Variants in CLIP1 observed in about 807,000 individuals in gnomAD.
CLIP1 encodes the protein CAP-Gly domain containing linker protein 1.
A neutral mutation model predicts 161.6 loss-of-function variants in CLIP1; 66 were observed. The observed-to-expected ratio is 0.41, with a 90% CI of 0.33 to 0.50. The LOEUF (loss-of-function observed/expected upper bound fraction) is 0.50. CLIP1 is among the 20% of genes least tolerant of loss of function. The pLI is 0.27. For synonymous variants in CLIP1, 598 were observed against 626.2 expected (o/e 0.96, Z 0.67); for missense variants, 1,376 against 1,702.0 (o/e 0.81, Z 3.37).
At chr12:122,390,294 A>ACG (rs1955588108) in intron 1 of CLIP1, among the ~76,000 whole-genome samples, 1 of 133,382 alleles carries the variant, frequency 7.5e-6, no homozygotes, top group African/African-American at 2.8e-5. Context: ...ATATATATAT[A>ACG]TATATATATG....
rs537988668 is a variant in CLIP1 at position 122,291,301 on chromosome 12, T to A, written c.3595-2760A>T. On this transcript the variant is annotated intron_variant, in intron 20 of 25. Coordinates refer to ENST00000620786, the MANE Select transcript of CLIP1 (RefSeq NM_001247997.2). Reference sequence around the variant, plus strand: ...GCCTCCCAGGTTCAAGCGATTCTCCTGTCTCAGCCTCCCAAAGAGTGGGGA... The same window carrying A: ...GCCTCCCAGGTTCAAGCGATTCTCCAGTCTCAGCCTCCCAAAGAGTGGGGA... Among the ~76,000 whole-genome samples, 9 of 152,208 alleles carry A rather than the reference T, an allele frequency of 5.9e-5. No homozygotes were observed. The East Asian group carries it at 1.4e-3, about 23-fold the overall frequency.
At chr12:122,371,085 G>C (rs528471355) in intron 3 of CLIP1, among the ~76,000 whole-genome samples, 1 of 152,156 alleles carries the variant, frequency 6.6e-6, no homozygotes, top group South Asian at 2.1e-4. Context: ...AGCAAAGTTT[G>C]CTTTTTAAAT....
intron 18 of CLIP1, 122 bp from the exon 19 acceptor site, chr12:122,316,977 A>G: frequency 1.6e-6 from 1 of 638,726 alleles, no homozygotes; most frequent in Non-Finnish European, 2.6e-6. Flanking sequence ...CGCAAAAAAA[A>G]AAAGTCTCCT....
At chr12:122,277,931 C>A in intron 24 of CLIP1, 1 of 504,830 alleles carries the variant, frequency 2.0e-6, no homozygotes, top group South Asian at 2.8e-5. Flanking sequence ...CAGTAATTAA[C>A]TGTTTGCAGG....
rs148733032 is a variant in CLIP1, at chr12:122,363,284, G to C, written c.782+699C>G. Among the ~76,000 whole-genome samples the C allele has an allele frequency of 8.4e-4, 128 of 152,266 alleles. No homozygotes were observed. The East Asian group carries it at 0.014, about 17-fold the overall frequency. On this transcript the variant is annotated intron_variant, in intron 4 of 25. Coordinates refer to ENST00000620786, the MANE Select transcript of CLIP1 (RefSeq NM_001247997.2). Reference sequence around the variant, plus strand: ...GGAGACCAAGACAGGTGGATCACTTGTGCCCAGGAGTTTGAGACCAGCCTG... The same window carrying C: ...GGAGACCAAGACAGGTGGATCACTTCTGCCCAGGAGTTTGAGACCAGCCTG...
intron 1 of CLIP1, among the ~76,000 whole-genome samples, chr12:122,405,980 T>G (rs1347394642): frequency 5.3e-5 from 8 of 151,946 alleles, no homozygotes; most frequent in Admixed American, 3.3e-4. Context: ...GGCAGGAGAA[T>G]CGCTTGAATC....
At chr12:122,398,849 T>G (rs1188321723) in intron 1 of CLIP1, among the ~76,000 whole-genome samples, 1 of 151,258 alleles carries the variant, frequency 6.6e-6, no homozygotes, top group African/African-American at 2.4e-5. Flanking sequence ...ATCTCTAAAA[T>G]CTTTTTTTAA....
intron 5 of CLIP1, among the ~76,000 whole-genome samples, chr12:122,358,985 C>T (rs1287682769): frequency 1.3e-5 from 2 of 152,082 alleles, no homozygotes; most frequent in Non-Finnish European, 2.9e-5. Flanking sequence ...CGCTTGAACC[C>T]GGGAGACAAG....
Position 122,274,160 on chromosome 12 carries a change from A to T in CLIP1, c.3969T>A (p.Ile1323=). ...DEDERAQESQ[I]DFLNSVIVDL... is the part of the protein sequence containing the mutation. The stretch of plus-strand genomic sequence containing the variant: ...CCACTATTACTGAATTTAGGAAATC[A>T]ATCTGATTTGTTAAAAAAAAAATGT... Residue 1323 remains isoleucine (I), a splice_region_variant and synonymous_variant, in exon 25 of 26, where the codon ATT becomes ATA. Transcript: ENST00000620786. 1 of 1,594,552 alleles carries T rather than the reference A, an allele frequency of 6.3e-7. No individual in the cohort carries two copies. The highest frequency in any genetic ancestry group is 8.6e-7 in the Non-Finnish European group (1 of 1,162,414).
Position 122,355,066 on chromosome 12 carries a change from A to G in CLIP1, c.1203+49T>C, listed in dbSNP as rs1459059808. On this transcript the variant is annotated intron_variant, in intron 6 of 25. Transcript: ENST00000620786. The surrounding 1 kb of genome is among the most constrained non-coding windows in gnomAD (Gnocchi z 4.1). ...CACCGGGCATGCTTCTCGGCTCCTC[A>G]GTGGCTTTAGAAACCATCACCATCT... is the stretch of plus-strand genomic sequence containing the variant. 5.8e-6 allele frequency: 9 copies of G among 1,562,848 alleles called. No individual in the cohort carries two copies. Among genetic ancestry groups the G allele is most frequent in the Non-Finnish European group, 7.9e-6 (9 of 1,138,352 alleles).
chr12:122,292,294 C>T (rs1047985039), intron 20 of CLIP1, among the ~76,000 whole-genome samples: 5 of 152,024 alleles, frequency 3.3e-5, no homozygotes, highest in Non-Finnish European at 5.9e-5. Flanking sequence ...TGAGCCACTA[C>T]TCCTGGCTTC....
At chr12:122,369,179 C>T (rs1056475776) in intron 3 of CLIP1, among the ~76,000 whole-genome samples, 19 of 151,850 alleles carry the variant, frequency 1.3e-4, no homozygotes, top group African/African-American at 4.6e-4. Context: ...CCACCACGCC[C>T]GGCTAATATT....
intron 4 of CLIP1, 126 bp from the exon 5 acceptor site, chr12:122,361,307 G>T: frequency 3.9e-6 from 3 of 766,178 alleles, no homozygotes; most frequent in Non-Finnish European, 6.3e-6. Flanking sequence ...GCTAAGCTGG[G>T]GTTACACACC....
At chr12:122,361,726 C>T (rs1953824093) in intron 4 of CLIP1, among the ~76,000 whole-genome samples, 1 of 152,094 alleles carries the variant, frequency 6.6e-6, no homozygotes, top group Non-Finnish European at 1.5e-5. Context: ...ACTAGCCAGG[C>T]ATGGTGGTGC....
chr12:122,309,745 C>A lies in CLIP1; in HGVS notation c.3594+17G>T. The A allele has an allele frequency of 6.2e-7, 1 of 1,611,720 alleles. No homozygotes were observed. The highest frequency in any genetic ancestry group is 1.1e-5 in the South Asian group (1 of 90,964). On this transcript the variant is annotated intron_variant, in intron 20 of 25. Coordinates refer to ENST00000620786, the MANE Select transcript of CLIP1 (RefSeq NM_001247997.2). ...CCAGCATGGCACAGCTGGAACCCCTCGCCAAAGGACACTGACCTTTTGATG... is the reference window on the plus strand; with the variant it reads ...CCAGCATGGCACAGCTGGAACCCCTAGCCAAAGGACACTGACCTTTTGATG...
chr12:122,336,851 TAAAAC>T (rs1025874854), intron 11 of CLIP1, 103 bp from the exon 12 acceptor site: 20 of 497,232 alleles, frequency 4.0e-5, no homozygotes, highest in African/African-American at 3.0e-4. Flanking sequence ...ATGAGAAACA[TAAAAC>T]AAAACTGAAA....
Position 122,336,689 on chromosome 12 carries a change from T to C in CLIP1, c.2511A>G (p.Glu837=), listed in dbSNP as rs753211685. The change falls in exon 12 of 26, where the codon GAA becomes GAG. Residue 837 remains glutamate, a synonymous_variant. Transcript: ENST00000620786. Reference sequence around the variant, plus strand: ...TCACTTGACTGACTTCACTCAAATTTTCCTGAAGGTTAGTAAGCTTTAGCT... The same window carrying C: ...TCACTTGACTGACTTCACTCAAATTCTCCTGAAGGTTAGTAAGCTTTAGCT... ...GRELKLTNLQ[E]NLSEVSQVKE... 20 of 1,612,678 alleles carry C rather than the reference T, an allele frequency of 1.2e-5. No homozygotes were observed. In the South Asian group the frequency reaches 1.9e-4, roughly 15 times the overall value.
At chr12:122,369,050 G>T (rs774554653) in intron 3 of CLIP1, among the ~76,000 whole-genome samples, 8 of 149,988 alleles carry the variant, frequency 5.3e-5, no homozygotes, top group Non-Finnish European at 1.2e-4. Flanking sequence ...ACGGAGTTTC[G>T]CTCTGTCGTC....
chr12:122,316,947 G>A, intron 18 of CLIP1, 92 bp from the exon 19 acceptor site: 2 of 774,622 alleles, frequency 2.6e-6, no homozygotes, highest in Non-Finnish European at 4.0e-6. Context: ...GTACTGAAAA[G>A]ACAGATGAAA....
Sources: gnomAD v4.1 joint callset for allele counts (sites outside exome capture counted in the v4.1 genomes callset) on GRCh38, gnomAD v4.1.1 for gene constraint, Gnocchi (gnomAD v3.1) non-coding constraint, MANE v1.5 for transcripts, NCBI Gene and HGNC (gene_info 2026-07-23, HGNC 2026-07-21) for gene names.